The following SLIT2 variants were observed in gnomAD, a reference collection of about 807,000 sequenced individuals.
SLIT2 encodes slit guidance ligand 2, also known as slit homolog 2 protein.
Under a neutral mutation model 185.7 loss-of-function variants are expected in SLIT2, and 41 were observed. That is an observed-to-expected ratio of 0.22 (90% CI 0.17 to 0.29). The LOEUF is 0.29. SLIT2 is among the 10% of genes least tolerant of loss of function. The pLI, the probability that SLIT2 is intolerant of heterozygous loss-of-function variation, is 1.00. For synonymous variants in SLIT2, 693 were observed against 680.2 expected, an observed-to-expected ratio of 1.02 and a Z score of -0.29; for missense variants, 1,571 against 1,909.0, an observed-to-expected ratio of 0.82 and a Z score of 3.30.
Position 20,375,810 on chromosome 4 carries a change from T to C in SLIT2, c.396-91942T>C, listed in dbSNP as rs192520028. Among the ~76,000 whole-genome samples the C allele has an allele frequency of 7.2e-4, 110 of 152,196 alleles. 2 individuals carry two copies. In the East Asian group the frequency reaches 0.017, roughly 23 times the overall value. Reference sequence around the variant, plus strand: ...GTCTGAAGGAAAAAAAAAGGGACAGTGTCATACATAAAAATGCACTATGTG... The same window carrying C: ...GTCTGAAGGAAAAAAAAAGGGACAGCGTCATACATAAAAATGCACTATGTG... On this transcript the variant is annotated intron_variant, in intron 4 of 36. Transcript: ENST00000504154.
At chr4:20,321,765 T>C (rs932021145) in intron 4 of SLIT2, among the ~76,000 whole-genome samples, 1 of 152,160 alleles carries the variant, frequency 6.6e-6, no homozygotes. Context: ...GTCACTTTCA[T>C]TTTGCATTCT....
intron 14 of SLIT2, 56 bp from the exon 15 acceptor site, chr4:20,525,093 C>G: frequency 7.8e-7 from 1 of 1,287,874 alleles, no homozygotes; most frequent in Non-Finnish European, 1.1e-6. Flanking sequence ...TAACTCATAT[C>G]TCTGCTTGCT....
chr4:20,435,976 T>C (rs921872035), intron 4 of SLIT2, among the ~76,000 whole-genome samples: 5 of 152,140 alleles, frequency 3.3e-5, no homozygotes, highest in Admixed American at 2.6e-4. Flanking sequence ...TTTGAATGAG[T>C]GAGTGAATGA....
chr4:20,616,977 C>T lies in SLIT2; in HGVS notation c.3915C>T (p.His1305=), dbSNP rs554126874. ...QAPGQNGTSF[H]GCIRNLYINS... ...CTGGGCAGAACGGAACCAGCTTCCA[C>T]GGCTGCATCCGGAACCTTTACATCA... The change falls in exon 35 of 37, where the codon CAC becomes CAT. Residue 1305 remains histidine (H), a synonymous_variant. Coordinates refer to ENST00000504154, the MANE Select transcript of SLIT2 (RefSeq NM_004787.4). The T allele has an allele frequency of 3.4e-5, 55 of 1,614,040 alleles. No individual in the cohort carries two copies. The highest frequency in any genetic ancestry group is 3.3e-4 in the Middle Eastern group (2 of 6,062).
chr4:20,376,781 C>A (rs1247450943), intron 4 of SLIT2, among the ~76,000 whole-genome samples: 1 of 152,058 alleles, frequency 6.6e-6, no homozygotes, highest in Admixed American at 6.6e-5. Context: ...GGACAGAAAA[C>A]CAAACACTGC....
At chr4:20,616,836 A>G (rs1157579631) in intron 34 of SLIT2, 74 bp from the exon 35 acceptor site, 2 of 1,486,914 alleles carry the variant, frequency 1.3e-6, no homozygotes, top group Non-Finnish European at 1.8e-6. Context: ...GGTCCCAAGC[A>G]TCAGTATTTC....
At chr4:20,477,954 G>T (rs955186648) in intron 5 of SLIT2, among the ~76,000 whole-genome samples, 15 of 152,238 alleles carry the variant, frequency 9.9e-5, no homozygotes, top group Middle Eastern at 3.4e-3. Context: ...AAGTACCCAG[G>T]GCTTGAAAGG....
At position 20,524,232 on chromosome 4, in the gene SLIT2, C is replaced by T. The variant is rs1721094203; in HGVS notation, c.1438+55C>T. ...GACCAACAACAATGGTTACATGAGA[C>T]CTAACAAAAGCAGCTGGCCTTCGGC... On this transcript the variant is annotated intron_variant, in intron 14 of 36. Coordinates refer to ENST00000504154, the MANE Select transcript of SLIT2 (RefSeq NM_004787.4). The T allele has an allele frequency of 2.6e-6, 4 of 1,555,950 alleles. No individual in the cohort carries two copies. In the South Asian group the frequency reaches 3.4e-5, roughly 13 times the overall value.
chr4:20,469,521 A>G (rs1577716017), intron 5 of SLIT2, among the ~76,000 whole-genome samples: 1 of 152,146 alleles, frequency 6.6e-6, no homozygotes, highest in East Asian at 1.9e-4. Flanking sequence ...TCAGTGTTCT[A>G]TCTAATGGGA....
chr4:20,531,431 A>G (rs759055881), intron 16 of SLIT2, among the ~76,000 whole-genome samples: 1 of 152,224 alleles, frequency 6.6e-6, no homozygotes, highest in Non-Finnish European at 1.5e-5. Context: ...TAGTAAAAGC[A>G]AAAAGTAACC....
chr4:20,568,306 C>T (rs1002444925), intron 28 of SLIT2, among the ~76,000 whole-genome samples: 16 of 151,906 alleles, frequency 1.1e-4, no homozygotes, highest in African/African-American at 1.5e-4. Flanking sequence ...AAAAATTATT[C>T]GATACATACT....
intron 4 of SLIT2, among the ~76,000 whole-genome samples, chr4:20,322,235 ACAACTT>A (rs1719156581): frequency 6.6e-6 from 1 of 152,224 alleles, no homozygotes; most frequent in African/African-American, 2.4e-5. Flanking sequence ...CACCCATGAC[ACAACTT>A]CAGGAGATTC....
At chr4:20,466,041 AACAC>A (rs1714315670) in intron 4 of SLIT2, among the ~76,000 whole-genome samples, 1 of 152,132 alleles carries the variant, frequency 6.6e-6, no homozygotes, top group African/African-American at 2.4e-5. Flanking sequence ...GAATAGTAGA[AACAC>A]TACTAAATGG....
chr4:20,617,075 A>G lies in SLIT2; in HGVS notation c.4013A>G (p.Lys1338Arg), dbSNP rs1359336322. The change falls in exon 35 of 37, where the codon AAG becomes AGG. Residue 1338 changes from lysine to arginine, a missense_variant. Lys to Arg is a conservative substitution (Grantham distance 26, BLOSUM62 2). This residue lies in a region of SLIT2 where 223 missense variants were observed against 245.2 expected (regional missense o/e 0.91). Coordinates refer to ENST00000504154, the MANE Select transcript of SLIT2 (RefSeq NM_004787.4). ...TTGCCTGGCTGTGAGCCATGCCACA[A>G]GAAGGTGTGTGCCCATGGCACATGC... ...GILPGCEPCH[K>R]KVCAHGTCQP... 1 of 1,614,198 alleles carries G rather than the reference A, an allele frequency of 6.2e-7. No homozygotes were observed.
chr4:20,556,224 A>G (rs1724236384), intron 26 of SLIT2, among the ~76,000 whole-genome samples: 1 of 151,870 alleles, frequency 6.6e-6, no homozygotes. Context: ...TGAGAAGTAT[A>G]TCATTATTTT....
intron 19 of SLIT2, among the ~76,000 whole-genome samples, chr4:20,540,299 A>G (rs1722692044): frequency 6.6e-6 from 1 of 151,986 alleles, no homozygotes; most frequent in Admixed American, 6.6e-5. Context: ...AGGAAAAAAA[A>G]AAAAAGAATC....
At chr4:20,506,666 T>G (rs965658026) in intron 9 of SLIT2, among the ~76,000 whole-genome samples, 3 of 151,974 alleles carry the variant, frequency 2.0e-5, no homozygotes, top group Non-Finnish European at 1.5e-5. Flanking sequence ...ATTCTTACAA[T>G]GAAAAGGAAA....
At chr4:20,274,798 A>T (rs1297340025) in intron 4 of SLIT2, among the ~76,000 whole-genome samples, 4 of 151,976 alleles carry the variant, frequency 2.6e-5, no homozygotes, top group Admixed American at 2.6e-4. Context: ...CACAAGTGCA[A>T]ATGTTTCTAA....
At chr4:20,462,762 A>G (rs1713870285) in intron 4 of SLIT2, among the ~76,000 whole-genome samples, 1 of 152,158 alleles carries the variant, frequency 6.6e-6, no homozygotes, top group Non-Finnish European at 1.5e-5. Flanking sequence ...CTAGTGATAT[A>G]ATTACAAACT....
Sources: gnomAD v4.1 joint callset for allele counts (sites outside exome capture counted in the v4.1 genomes callset) on GRCh38, gnomAD v4.1.1 for gene constraint, gnomAD v4.1.1 regional missense constraint, MANE v1.5 for transcripts, NCBI Gene and HGNC (gene_info 2026-07-23, HGNC 2026-07-21) for gene names.